The following FNDC3A variants were observed in gnomAD, a reference collection of about 807,000 sequenced individuals.
The protein encoded by FNDC3A is fibronectin type-III domain-containing protein 3A.
FNDC3A carries 32 observed loss-of-function variants against 148.9 expected under a neutral mutation model. That is an observed-to-expected ratio of 0.21 (90% CI 0.16 to 0.29). The LOEUF (loss-of-function observed/expected upper bound fraction) is 0.29, where lower values mean the gene tolerates loss of function less well. FNDC3A is among the 10% of genes least tolerant of loss of function. The pLI, the probability that FNDC3A is intolerant of heterozygous loss-of-function variation, is 1.00. For synonymous variants in FNDC3A, 472 were observed against 473.6 expected, an observed-to-expected ratio of 1.00 and a Z score of 0.04; for missense variants, 1,191 against 1,452.8, an observed-to-expected ratio of 0.82 and a Z score of 2.93.
At chr13:49,084,696 A>G (rs567850734) in intron 3 of FNDC3A, among the ~76,000 whole-genome samples, 1 of 152,188 alleles carries the variant, frequency 6.6e-6, no homozygotes, top group South Asian at 2.1e-4. Flanking sequence ...TAACACTACT[A>G]GAGTGTGTTG....
At chr13:49,202,801 T>C (rs568423960) in intron 24 of FNDC3A, among the ~76,000 whole-genome samples, 1 of 152,250 alleles carries the variant, frequency 6.6e-6, no homozygotes, top group South Asian at 2.1e-4. Flanking sequence ...CCAGGAGTAT[T>C]GAGACCAACG....
At chr13:49,204,889 T>G (rs1431461362) in intron 25 of FNDC3A, among the ~76,000 whole-genome samples, 1 of 152,164 alleles carries the variant, frequency 6.6e-6, no homozygotes, top group Non-Finnish European at 1.5e-5. Context: ...CTCTCCAACA[T>G]CTTTACTTCA....
intron 23 of FNDC3A, among the ~76,000 whole-genome samples, chr13:49,199,712 A>T (rs947900034): frequency 2.0e-5 from 3 of 152,124 alleles, no homozygotes; most frequent in African/African-American, 7.2e-5. Context: ...TCTTTTCCAG[A>T]TTCCTGACAC....
intron 1 of FNDC3A, among the ~76,000 whole-genome samples, chr13:48,984,420 CATT>C (rs537624032): frequency 6.8e-4 from 104 of 152,084 alleles, no homozygotes; most frequent in African/African-American, 2.3e-3. Flanking sequence ...AAGGTCGAAA[CATT>C]ATAAAATTAC....
At chr13:48,999,662 A>G (rs1236170817) in intron 1 of FNDC3A, among the ~76,000 whole-genome samples, 3 of 152,184 alleles carry the variant, frequency 2.0e-5, no homozygotes, top group Admixed American at 6.5e-5. Flanking sequence ...TTGAACCCCT[A>G]ACCCCCAAAA....
At chr13:49,178,448 C>A in intron 13 of FNDC3A, 120 bp from the exon 14 acceptor site, 2 of 648,098 alleles carry the variant, frequency 3.1e-6, no homozygotes, top group Non-Finnish European at 2.7e-6. Context: ...CTCAACAGAG[C>A]ATTAGTCATA....
intron 2 of FNDC3A, among the ~76,000 whole-genome samples, chr13:49,021,293 C>T (rs975444626): frequency 1.3e-4 from 20 of 152,156 alleles, no homozygotes; most frequent in African/African-American, 4.6e-4. Flanking sequence ...GTTATCCTCA[C>T]CACAAGCCAA....
At chr13:48,976,511 C>T (rs1375259085) in intron 1 of FNDC3A, 1 of 152,510 alleles carries the variant, frequency 6.6e-6, no homozygotes, top group Non-Finnish European at 1.5e-5. Context: ...GGAGGTGGCG[C>T]TGGTGCGCGG....
chr13:49,098,918 G>A (rs1879694015), intron 3 of FNDC3A, among the ~76,000 whole-genome samples: 1 of 152,076 alleles, frequency 6.6e-6, no homozygotes, highest in Admixed American at 6.6e-5. Flanking sequence ...TCTTTCTCCT[G>A]TAACTTCCTT....
intron 2 of FNDC3A, among the ~76,000 whole-genome samples, chr13:49,071,123 C>T (rs1421776020): frequency 7.0e-6 from 1 of 143,076 alleles, no homozygotes; most frequent in Non-Finnish European, 1.5e-5. Flanking sequence ...TGGCCTTGCG[C>T]TCCTGAGCTC....
chr13:49,174,687 TAAG>T (rs1216503705), intron 12 of FNDC3A, 128 bp downstream of exon 12: 4 of 772,282 alleles, frequency 5.2e-6, no homozygotes, highest in Non-Finnish European at 8.0e-6. Flanking sequence ...TTGATATAGT[TAAG>T]ATGTGTTACC....
At chr13:49,118,473 T>C (rs1881112571) in intron 4 of FNDC3A, among the ~76,000 whole-genome samples, 1 of 152,154 alleles carries the variant, frequency 6.6e-6, no homozygotes, top group African/African-American at 2.4e-5. Context: ...TTTTTTCATA[T>C]TCCAGTGGCT....
intron 2 of FNDC3A, among the ~76,000 whole-genome samples, chr13:49,039,438 C>G (rs571592139): frequency 1.2e-4 from 19 of 152,262 alleles, no homozygotes; most frequent in South Asian, 8.3e-4. Flanking sequence ...TTCCTCACTC[C>G]AGAGATATCT....
Position 49,006,293 on chromosome 13 carries a change from AG to A in FNDC3A, c.99+5del, listed in dbSNP as rs776772823. ...AAGTGCAGATGGAACACAACAGGTA[AG>A]AAAACTGAAATGTTTATTTCTTTAT... On this transcript the variant is annotated splice_donor_5th_base_variant and intron_variant, in intron 2 of 25. Coordinates refer to ENST00000492622, the MANE Select transcript of FNDC3A (RefSeq NM_001079673.2). The A allele has an allele frequency of 2.0e-6, 3 of 1,531,394 alleles. No homozygotes were observed. Among genetic ancestry groups the A allele is most frequent in the Non-Finnish European group, 2.7e-6 (3 of 1,107,662 alleles). The allele number at this position is 1,531,394 out of a possible 1,614,324, so 94.9% of individuals were successfully genotyped here. A position where few individuals can be genotyped will look rare whatever the true frequency, so the allele number is the denominator to read the frequency against.
At chr13:49,206,661 G>C (rs1223134216) in intron 25 of FNDC3A, among the ~76,000 whole-genome samples, 1 of 152,160 alleles carries the variant, frequency 6.6e-6, no homozygotes, top group Non-Finnish European at 1.5e-5. Context: ...AGATATGTTT[G>C]AAATTATATG....
intron 5 of FNDC3A, among the ~76,000 whole-genome samples, chr13:49,132,329 T>C (rs1882083444): frequency 6.6e-6 from 1 of 152,158 alleles, no homozygotes; most frequent in African/African-American, 2.4e-5. Flanking sequence ...GTTTAAACTA[T>C]TTCAGTGATT....
intron 2 of FNDC3A, among the ~76,000 whole-genome samples, chr13:49,019,417 C>G (rs1386546023): frequency 1.3e-5 from 2 of 152,204 alleles, no homozygotes; most frequent in Admixed American, 6.5e-5. Context: ...ACTCCCTGAC[C>G]CCTTGTGCTT....
chr13:49,158,668 G>A (rs1442272961), intron 8 of FNDC3A, among the ~76,000 whole-genome samples: 2 of 152,288 alleles, frequency 1.3e-5, no homozygotes, highest in Admixed American at 6.5e-5. Flanking sequence ...ATTGCTTTCG[G>A]TGTTTTAGTC....
intron 2 of FNDC3A, among the ~76,000 whole-genome samples, chr13:49,066,761 G>A (rs1364974191): frequency 2.6e-5 from 4 of 151,500 alleles, no homozygotes; most frequent in African/African-American, 9.7e-5. Flanking sequence ...TTGTTACATA[G>A]GTATACACGT....
Sources: gnomAD v4.1 joint callset for allele counts (sites outside exome capture counted in the v4.1 genomes callset) on GRCh38, gnomAD v4.1.1 for gene constraint, MANE v1.5 for transcripts, NCBI Gene and HGNC (gene_info 2026-07-23, HGNC 2026-07-21) for gene names.